Variants in NPSR1 observed in about 807,000 individuals in gnomAD.
The protein encoded by NPSR1 is neuropeptide S receptor.
NPSR1 carries 48 observed loss-of-function variants against 46.9 expected under a neutral mutation model. The observed-to-expected ratio is 1.02, with a 90% confidence interval of 0.81 to 1.30. The LOEUF is 1.30. NPSR1 is among the 50% of genes most tolerant of loss of function. The pLI, the probability that NPSR1 is intolerant of heterozygous loss-of-function variation, is 0.00. For missense variants in NPSR1, 450 were observed against 449.5 expected, an observed-to-expected ratio of 1.00 and a Z score of -0.01; for synonymous variants, 176 against 168.1, an observed-to-expected ratio of 1.05 and a Z score of -0.36.
intron 2 of NPSR1, among the ~76,000 whole-genome samples, chr7:34,703,407 G>A (rs561859598): frequency 8.2e-6 from 1 of 121,998 alleles, no homozygotes; most frequent in Non-Finnish European, 1.7e-5. Flanking sequence ...AATAAATAAA[G>A]CATTTTTTTT....
intron 3 of NPSR1, among the ~76,000 whole-genome samples, chr7:34,796,765 T>C (rs1188408661): frequency 6.6e-6 from 1 of 152,116 alleles, no homozygotes; most frequent in African/African-American, 2.4e-5. Flanking sequence ...TCAGCGACAG[T>C]TTAGTGGTTT....
intron 4 of NPSR1, among the ~76,000 whole-genome samples, chr7:34,815,774 A>G (rs1235049301): frequency 4.6e-5 from 7 of 150,764 alleles, no homozygotes. Flanking sequence ...ACATTCTTAA[A>G]GAGAAGAATT....
chr7:34,866,239 T>G (rs1262200271), intron 8 of NPSR1, among the ~76,000 whole-genome samples: 5 of 151,762 alleles, frequency 3.3e-5, no homozygotes, highest in Non-Finnish European at 7.3e-5. Flanking sequence ...GATAAGCCAG[T>G]TAACGGGAAT....
intron 2 of NPSR1, among the ~76,000 whole-genome samples, chr7:34,696,682 A>G (rs323908): frequency 0.12 from 18,357 of 151,976 alleles, 1,188 homozygotes; most frequent in Middle Eastern, 0.17. Flanking sequence ...AAGAAAGGAC[A>G]AAAAATACAA....
intron 2 of NPSR1, chr7:34,751,407 G>T: frequency 9.7e-7 from 1 of 1,032,116 alleles, no homozygotes; most frequent in Non-Finnish European, 1.5e-6. Flanking sequence ...CTTTAAGCAA[G>T]AGTGGAACAA....
At chr7:34,869,105 G>T (rs1289811028) in intron 8 of NPSR1, among the ~76,000 whole-genome samples, 2 of 151,770 alleles carry the variant, frequency 1.3e-5, no homozygotes, top group Non-Finnish European at 2.9e-5. Context: ...CTGGGGAAAT[G>T]AGTCCCACAA....
At chr7:34,820,691 T>C (rs1040652350) in intron 4 of NPSR1, among the ~76,000 whole-genome samples, 9 of 152,056 alleles carry the variant, frequency 5.9e-5, no homozygotes, top group African/African-American at 2.2e-4. Flanking sequence ...AAGAAATACA[T>C]AGGGTTGGTC....
intron 8 of NPSR1, chr7:34,877,974 C>T: frequency 1.5e-6 from 1 of 654,924 alleles, no homozygotes; most frequent in South Asian, 1.9e-5. Flanking sequence ...TAGACTATAT[C>T]TTATGAGAAA....
intron 3 of NPSR1, among the ~76,000 whole-genome samples, chr7:34,809,054 C>T (rs1233339583): frequency 6.6e-6 from 1 of 152,124 alleles, no homozygotes; most frequent in African/African-American, 2.4e-5. Flanking sequence ...TCAAGACAGC[C>T]ACAGAGCCCC....
rs533605832 is a variant in NPSR1, at chr7:34,862,504, A to T, written c.1025+13841A>T. The stretch of plus-strand genomic sequence containing the variant: ...CTTTCATTCCTCCCATAGCCATGGG[A>T]TCAGTTCCCTGCATTGAGTCTCTCT... On this transcript the variant is annotated intron_variant, in intron 8 of 8. Transcript: ENST00000359791. Among the ~76,000 whole-genome samples, 98 of 151,734 alleles carry T rather than the reference A, an allele frequency of 6.5e-4. 1 individual carries two copies. Among genetic ancestry groups the T allele is most frequent in the Non-Finnish European group, 9.8e-4 (67 of 68,024 alleles).
intron 2 of NPSR1, among the ~76,000 whole-genome samples, chr7:34,707,807 G>A (rs2128700297): frequency 6.6e-6 from 1 of 152,264 alleles, no homozygotes; most frequent in Middle Eastern, 3.4e-3. Flanking sequence ...AGTTTGCTGG[G>A]ACTGCCGTAA....
chr7:34,667,698 G>T (rs1331220782), intron 1 of NPSR1, among the ~76,000 whole-genome samples: 1 of 152,164 alleles, frequency 6.6e-6, no homozygotes, highest in Non-Finnish European at 1.5e-5. Flanking sequence ...TCATAACTTT[G>T]ACAAGACTCA....
intron 2 of NPSR1, among the ~76,000 whole-genome samples, chr7:34,714,997 C>T (rs1033141314): frequency 6.6e-6 from 1 of 152,166 alleles, no homozygotes; most frequent in Non-Finnish European, 1.5e-5. Flanking sequence ...ATGATGTGTG[C>T]CCAGATTAAC....
At chr7:34,792,725 A>ATT (rs1174651923) in intron 3 of NPSR1, among the ~76,000 whole-genome samples, 1 of 110,790 alleles carries the variant, frequency 9.0e-6, no homozygotes, top group Non-Finnish European at 1.9e-5. Flanking sequence ...TTATATATAT[A>ATT]TATATATATT....
chr7:34,863,355 G>GCAA (rs1791234554), intron 8 of NPSR1, among the ~76,000 whole-genome samples: 1 of 151,724 alleles, frequency 6.6e-6, no homozygotes, highest in Admixed American at 6.6e-5. Context: ...AAAAGCAAAG[G>GCAA]CAACAAAAGC....
At chr7:34,722,924 G>T (rs1279742047) in intron 2 of NPSR1, among the ~76,000 whole-genome samples, 2 of 152,188 alleles carry the variant, frequency 1.3e-5, no homozygotes, top group African/African-American at 4.8e-5. Flanking sequence ...CAGCTGGAGA[G>T]GTGAGGAAGG....
chr7:34,787,736 C>G (rs1787528780), intron 3 of NPSR1, among the ~76,000 whole-genome samples: 1 of 152,190 alleles, frequency 6.6e-6, no homozygotes, highest in Non-Finnish European at 1.5e-5. Flanking sequence ...GAGAGGGAGA[C>G]AGATGGAGGA....
chr7:34,815,754 C>T (rs572307040), intron 4 of NPSR1, among the ~76,000 whole-genome samples: 123 of 151,872 alleles, frequency 8.1e-4, no homozygotes, highest in African/African-American at 2.9e-3. Flanking sequence ...ACAGTGGGGG[C>T]CAATATTCAA....
chr7:34,749,468 C>A (rs973693956), intron 2 of NPSR1, among the ~76,000 whole-genome samples: 12 of 152,144 alleles, frequency 7.9e-5, no homozygotes, highest in Non-Finnish European at 1.5e-5. Context: ...AGTAAGTATA[C>A]CCACCCTAAT....
Sources: allele counts gnomAD v4.1 joint callset (sites outside exome capture counted in the v4.1 genomes callset), GRCh38; gene constraint gnomAD v4.1.1; transcripts MANE v1.5; gene names NCBI Gene and HGNC (gene_info 2026-07-23, HGNC 2026-07-21).